The following RBFOX3 variants were observed in gnomAD, a reference collection of about 807,000 sequenced individuals.
RBFOX3 encodes RNA binding fox-1 homolog 3.
A neutral mutation model predicts 48.7 loss-of-function variants in RBFOX3; 17 were observed. The observed-to-expected ratio is 0.35, with a 90% confidence interval of 0.24 to 0.52. The LOEUF (loss-of-function observed/expected upper bound fraction) is 0.52, where lower values mean the gene tolerates loss of function less well. Among genes scored for constraint, RBFOX3 ranks in the 20% least tolerant of loss-of-function variants. RBFOX3 has a pLI of 0.94. For missense variants in RBFOX3, 382 were observed against 497.5 expected (o/e 0.77, Z 2.21); for synonymous variants, 212 against 209.5 (o/e 1.01, Z -0.10).
chr17:79,143,077 C>G (rs1472548391), intron 4 of RBFOX3, among the ~76,000 whole-genome samples: 1 of 152,182 alleles, frequency 6.6e-6, no homozygotes, highest in African/African-American at 2.4e-5. Context: ...AGGGGACTCA[C>G]AGCAGGCTGC....
chr17:79,412,275 T>C (rs558830570), intron 2 of RBFOX3, among the ~76,000 whole-genome samples: 2 of 150,966 alleles, frequency 1.3e-5, no homozygotes, highest in South Asian at 2.1e-4. Flanking sequence ...ATGGTATGTG[T>C]GCGTGTATGA....
At chr17:79,238,838 C>T (rs2061961273) in intron 3 of RBFOX3, among the ~76,000 whole-genome samples, 1 of 152,192 alleles carries the variant, frequency 6.6e-6, no homozygotes, top group Non-Finnish European at 1.5e-5. Flanking sequence ...TTTCAATCAC[C>T]AAAGAGTCCC....
intron 1 of RBFOX3, among the ~76,000 whole-genome samples, chr17:79,507,484 C>T (rs968654969): frequency 1.3e-5 from 2 of 152,144 alleles, no homozygotes; most frequent in South Asian, 2.1e-4. Flanking sequence ...GGTGGGTTCT[C>T]GTCAACTCCA....
At chr17:79,544,029 C>T (rs1157585128) in intron 1 of RBFOX3, among the ~76,000 whole-genome samples, 3 of 152,158 alleles carry the variant, frequency 2.0e-5, no homozygotes, top group Non-Finnish European at 2.9e-5. Flanking sequence ...ACCCTCAGCC[C>T]GTCCCTGGGC....
chr17:79,290,178 G>A (rs2072959367), intron 3 of RBFOX3, among the ~76,000 whole-genome samples: 1 of 152,054 alleles, frequency 6.6e-6, no homozygotes, highest in South Asian at 2.1e-4. Context: ...TGTCTGGAAG[G>A]GGAACCTTCT....
chr17:79,150,544 C>T (rs1354584098), intron 4 of RBFOX3, among the ~76,000 whole-genome samples: 2 of 152,168 alleles, frequency 1.3e-5, no homozygotes, highest in Non-Finnish European at 2.9e-5. Flanking sequence ...CAGGTGGCCG[C>T]GCTGGCTCAA....
chr17:79,163,752 C>T (rs1287571773), intron 4 of RBFOX3, among the ~76,000 whole-genome samples: 1 of 152,182 alleles, frequency 6.6e-6, no homozygotes, highest in Non-Finnish European at 1.5e-5. Flanking sequence ...CAGGGTGCCC[C>T]ACCTCCCTCA....
At chr17:79,253,254 T>C (rs2064256095) in intron 3 of RBFOX3, among the ~76,000 whole-genome samples, 1 of 152,074 alleles carries the variant, frequency 6.6e-6, no homozygotes, top group Non-Finnish European at 1.5e-5. Context: ...ATACCTGCCC[T>C]TCACCACACA....
intron 2 of RBFOX3, among the ~76,000 whole-genome samples, chr17:79,353,393 C>G (rs923837706): frequency 6.6e-6 from 1 of 152,162 alleles, no homozygotes; most frequent in Admixed American, 6.5e-5. Context: ...CTTGCATGCT[C>G]CTCCTCCTCC....
chr17:79,577,771 G>A (rs2092912901), intron 1 of RBFOX3, among the ~76,000 whole-genome samples: 1 of 152,240 alleles, frequency 6.6e-6, no homozygotes, highest in Admixed American at 6.5e-5. Flanking sequence ...AGAAGGGGAG[G>A]GAGAGAGGTG....
At chr17:79,400,207 T>C (rs1453932662) in intron 2 of RBFOX3, among the ~76,000 whole-genome samples, 1 of 152,070 alleles carries the variant, frequency 6.6e-6, no homozygotes, top group Non-Finnish European at 1.5e-5. Context: ...CATGAATTTT[T>C]TCCTTCACAT....
At chr17:79,614,261 G>T (rs892909535), upstream of RBFOX3, among the ~76,000 whole-genome samples, 5 of 152,204 alleles carry the variant, frequency 3.3e-5, no homozygotes, top group Non-Finnish European at 7.4e-5. Context: ...CCTGGGGGCC[G>T]CCAGACACTG....
chr17:79,611,512 C>G (rs1420826597), upstream of RBFOX3, among the ~76,000 whole-genome samples: 1 of 152,030 alleles, frequency 6.6e-6, no homozygotes, highest in East Asian at 1.9e-4. Context: ...GCCCCAAGCC[C>G]GCTGCCCCTC....
intron 4 of RBFOX3, among the ~76,000 whole-genome samples, chr17:79,170,775 G>T (rs1361595468): frequency 6.6e-6 from 1 of 152,082 alleles, no homozygotes; most frequent in African/African-American, 2.4e-5. Flanking sequence ...CCTGCTCAAA[G>T]ACCTTCTGTG....
chr17:79,477,513 C>A lies in RBFOX3; in HGVS notation c.-175+4941G>T, dbSNP rs756138083. On this transcript the variant is annotated intron_variant, in intron 2 of 14. Coordinates refer to ENST00000693108, the MANE Select transcript of RBFOX3 (RefSeq NM_001350451.2). This position sits in a 1 kb window ranked among gnomAD's most constrained non-coding sequence, Gnocchi z 4.8. ...GGAGTTTGCAGTGAGCTGAGATCGC[C>A]CCATCGCACTCCAGCCTGGGCGACA... Among the ~76,000 whole-genome samples the A allele has an allele frequency of 1.4e-3, 215 of 151,748 alleles. No individual in the cohort carries two copies. Among genetic ancestry groups the A allele is most frequent in the Non-Finnish European group, 2.6e-3 (175 of 67,896 alleles).
At chr17:79,342,388 C>T (rs1210354271) in intron 2 of RBFOX3, among the ~76,000 whole-genome samples, 1 of 152,156 alleles carries the variant, frequency 6.6e-6, no homozygotes. Context: ...GGATGTTGGT[C>T]AGAGTCGAAG....
Position 79,268,279 on chromosome 17 carries a change from T to A in RBFOX3, c.-73-32474A>T, listed in dbSNP as rs112932996. Among the ~76,000 whole-genome samples the A allele has an allele frequency of 2.6e-4, 39 of 152,222 alleles. 1 individual carries two copies. Among genetic ancestry groups the A allele is most frequent in the African/African-American group, 9.1e-4 (38 of 41,562 alleles). ...GGTTGCCTCTGTAACCGTCCCAGTG[T>A]TTCCCAGCCCACCTTGCCTCACCTC... On this transcript the variant is annotated intron_variant, in intron 3 of 14. Transcript: ENST00000693108.
intron 13 of RBFOX3, among the ~76,000 whole-genome samples, chr17:79,094,809 G>A (rs1305657103): frequency 6.6e-6 from 1 of 151,986 alleles, no homozygotes; most frequent in Non-Finnish European, 1.5e-5. Context: ...TCAGTGCTAC[G>A]TGGAGGGGGA....
intron 3 of RBFOX3, among the ~76,000 whole-genome samples, chr17:79,279,210 A>G (rs955932333): frequency 1.3e-5 from 2 of 152,032 alleles, no homozygotes; most frequent in Non-Finnish European, 2.9e-5. Context: ...CAGCCAGGAG[A>G]AAAAGATACA....
Sources: allele counts gnomAD v4.1 joint callset (sites outside exome capture counted in the v4.1 genomes callset), GRCh38; gene constraint gnomAD v4.1.1; non-coding constraint Gnocchi (gnomAD v3.1); transcripts MANE v1.5; gene names NCBI Gene and HGNC (gene_info 2026-07-23, HGNC 2026-07-21).